The following ACTG1 variants were observed in gnomAD, a reference collection of about 807,000 sequenced individuals.
ACTG1 encodes actin, cytoplasmic 2.
In ACTG1, 14 loss-of-function variants were observed where a neutral mutation model predicts 34.3. That is an observed-to-expected ratio of 0.41 (90% CI 0.27 to 0.64). The LOEUF (loss-of-function observed/expected upper bound fraction) is 0.64, where lower values mean the gene tolerates loss of function less well. Ranked by LOEUF, ACTG1 falls within the 30% of genes least tolerant of loss-of-function variation. The pLI is 0.33. For missense variants in ACTG1, 233 were observed against 529.5 expected (o/e 0.44, Z 5.50); for synonymous variants, 422 against 213.9 (o/e 1.97, Z -8.49).
rs201570725 is a variant in ACTG1 at position 81,512,304 on chromosome 17, G to C, written c.51C>G (p.Cys17Trp). 1 of 1,613,952 alleles carries C rather than the reference G, an allele frequency of 6.2e-7. No homozygotes were observed. Among genetic ancestry groups the C allele is most frequent in the Non-Finnish European group, 8.5e-7 (1 of 1,179,964 alleles). The change falls in exon 2 of 6, where the codon TGC (cysteine) becomes TGG (tryptophan). Residue 17 changes from cysteine (C) to tryptophan (W), a missense_variant. Transcript: ENST00000573283. The stretch of plus-strand genomic sequence containing the variant: ...CGTCGTCCCCAGCAAAACCAGCTTT[G>C]CACATGCCGGAGCCATTGTCAATGA... Reference protein sequence around the residue: ...ALVIDNGSGMCKAGFAGDDAP... With the variant: ...ALVIDNGSGMWKAGFAGDDAP...
At chr17:81,511,842 A>G (rs551034127) in intron 3 of ACTG1, 61 bp downstream of exon 3, 1 of 1,610,032 alleles carries the variant, frequency 6.2e-7, no homozygotes, top group Non-Finnish European at 8.5e-7. Context: ...TCAGAAATCA[A>G]GCCGGGCAGA....
chr17:81,511,823 A>T (rs781939525), intron 3 of ACTG1, 80 bp downstream of exon 3: 1 of 1,605,934 alleles, frequency 6.2e-7, no homozygotes, highest in South Asian at 1.1e-5. Flanking sequence ...CGAAAGAAAC[A>T]CTTAAATGTC....
rs782078011 is a variant in ACTG1 at position 81,510,658 on chromosome 17, T to C, written c.*32A>G. On this transcript the variant is annotated 3_prime_UTR_variant, in exon 6 of 6. Coordinates refer to ENST00000573283, the MANE Select transcript of ACTG1 (RefSeq NM_001614.5). ...CAAATTTCTATTCTCAATTAACCCA[T>C]GCAGCAAATGCTACGCATCTGCTGA... 1.7e-4 allele frequency: 277 copies of C among 1,612,938 alleles called. 1 individual carries two copies. The Admixed American group carries it at 3.2e-3, about 19-fold the overall frequency.
chr17:81,512,660 G>A (rs972794655), intron 1 of ACTG1, 74 bp downstream of exon 1: 60 of 431,422 alleles, frequency 1.4e-4, no homozygotes, highest in African/African-American at 7.6e-4. Flanking sequence ...CTCGGCAGCT[G>A]GAAGCGGGGC....
rs61997063 is a variant in ACTG1, at chr17:81,511,444, G to A, written c.546C>T (p.Gly182=). 2.2e-4 allele frequency: 360 copies of A among 1,613,896 alleles called. 4 individuals are homozygous for A. In the Middle Eastern group the frequency reaches 0.015, roughly 66 times the overall value. ...PHAILRLDLA[G]RDLTDYLMKI... ...TCATGAGGTAGTCGGTCAGGTCCCG[G>A]CCAGCCAGGTCCAGACGCAGGATGG... Residue 182 remains glycine (G), a synonymous_variant, in exon 4 of 6, where the codon GGC becomes GGT. Transcript: ENST00000573283.
chr17:81,510,340 C>G lies in ACTG1; in HGVS notation c.*350G>C, dbSNP rs576795319. The G allele has an allele frequency of 4.5e-6, 2 of 443,958 alleles. No homozygotes were observed. Among genetic ancestry groups the G allele is most frequent in the South Asian group, 3.5e-5 (2 of 56,340 alleles). 27.5% of individuals were successfully genotyped at this position (443,958 alleles called of 1,614,324 possible). A position where few individuals can be genotyped will look rare whatever the true frequency, so the allele number is the denominator to read the frequency against. On this transcript the variant is annotated 3_prime_UTR_variant, in exon 6 of 6. Transcript: ENST00000573283. ...TGACACGTTAATACCCTGCACAGAT[C>G]AGAGGCTGCTGGCCACACAGACTCA...
intron 1 of ACTG1, 168 bp from the exon 2 acceptor site, chr17:81,512,528 G>C (rs1032108297): frequency 1.8e-6 from 2 of 1,123,888 alleles, no homozygotes; most frequent in Admixed American, 4.0e-5. Flanking sequence ...TTTACGTAAC[G>C]TCCACGGCTC....
At chr17:81,511,770 C>T (rs782691705) in intron 3 of ACTG1, 133 bp downstream of exon 3, 1 of 1,548,930 alleles carries the variant, frequency 6.5e-7, no homozygotes, top group Non-Finnish European at 8.8e-7. Flanking sequence ...AACCTGGAGG[C>T]TTCAGGGAGG....
In ACTG1 at chr17:81,512,779, G is replaced by C. The variant is rs781814319; in HGVS notation, c.-52C>G. 6.2e-5 allele frequency: 26 copies of C among 417,146 alleles called. 1 individual carries two copies. The highest frequency in any genetic ancestry group is 2.2e-4 in the South Asian group (13 of 59,898). The allele number at this position is 417,146 out of a possible 1,614,324, so 25.8% of individuals were successfully genotyped here. A position where few individuals can be genotyped will look rare whatever the true frequency, so the allele number is the denominator to read the frequency against. On this transcript the variant is annotated 5_prime_UTR_variant, in exon 1 of 6. Coordinates refer to ENST00000573283, the MANE Select transcript of ACTG1 (RefSeq NM_001614.5). Reference sequence around the variant, plus strand: ...GGAGCGGCGGAAGAACAGAGTGCGAGAGCTGGCAGCGGCGACTGAGACCGA... The same window carrying C: ...GGAGCGGCGGAAGAACAGAGTGCGACAGCTGGCAGCGGCGACTGAGACCGA...
Position 81,510,060 on chromosome 17 carries a change from G to T in ACTG1, c.*630C>A, listed in dbSNP as rs189747787. 685 of 452,828 alleles carry T rather than the reference G, an allele frequency of 1.5e-3. No homozygotes were observed. Among genetic ancestry groups the T allele is most frequent in the Non-Finnish European group, 2.4e-3 (553 of 226,774 alleles). The allele number at this position is 452,828 out of a possible 1,614,324, so 28.1% of individuals were successfully genotyped here. A position where few individuals can be genotyped will look rare whatever the true frequency, so the allele number is the denominator to read the frequency against. On this transcript the variant is annotated 3_prime_UTR_variant, in exon 6 of 6. Transcript: ENST00000573283. ...ACATAACAGTAGAAAACCAAAATTTGTTGTCATCTCTTCAAAGAATCGAGA... is the reference window on the plus strand; with the variant it reads ...ACATAACAGTAGAAAACCAAAATTTTTTGTCATCTCTTCAAAGAATCGAGA...
In ACTG1 at chr17:81,511,796, AAC is replaced by A. The variant is rs782095250; in HGVS notation, c.363+105_363+106del. ...TTCAGGGAGGAAATGCCGGGAGAGG[AAC>A]AGAGCCTGGAACAGCGAAAGAAACA... On this transcript the variant is annotated intron_variant, in intron 3 of 5. Coordinates refer to ENST00000573283, the MANE Select transcript of ACTG1 (RefSeq NM_001614.5). The A allele has an allele frequency of 8.1e-5, 129 of 1,586,390 alleles. No homozygotes were observed. The East Asian group carries it at 2.8e-3, about 34-fold the overall frequency.
rs202094234 is a variant in ACTG1, at chr17:81,511,951, C to G, written c.315G>C (p.Leu105=). The change falls in exon 3 of 6, where the codon CTG becomes CTC. Residue 105 remains leucine, a synonymous_variant. Coordinates refer to ENST00000573283, the MANE Select transcript of ACTG1 (RefSeq NM_001614.5). ...CCTTGGGGTTCAGGGGGGCCTCGGT[C>G]AGCAGCACTGGGTGCTCCTCCGGGG... ...RVAPEEHPVL[L]TEAPLNPKAN... 2.5e-6 allele frequency: 4 copies of G among 1,614,008 alleles called. No individual in the cohort carries two copies. The highest frequency in any genetic ancestry group is 2.5e-6 in the Non-Finnish European group (3 of 1,180,054).
At position 81,510,265 on chromosome 17, in the gene ACTG1, A is replaced by C; in HGVS notation, c.*425T>G. On this transcript the variant is annotated 3_prime_UTR_variant, in exon 6 of 6. Transcript: ENST00000573283. ...CCAACCCTGACAGACCCGCAAGACA[A>C]AACAACTGGTTCTTGCCAGCCTCTA... The C allele has an allele frequency of 1.9e-6, 1 of 527,622 alleles. No homozygotes were observed. The highest frequency in any genetic ancestry group is 1.6e-5 in the South Asian group (1 of 63,412). 32.7% of individuals were successfully genotyped at this position (527,622 alleles called of 1,614,324 possible).
rs2031662256 is a variant in ACTG1 at position 81,510,161 on chromosome 17, C to G, written c.*529G>C. The G allele has an allele frequency of 2.0e-6, 1 of 508,688 alleles. No individual in the cohort carries two copies. Among genetic ancestry groups the G allele is most frequent in the Admixed American group, 2.3e-5 (1 of 42,562 alleles). 31.5% of individuals were successfully genotyped at this position (508,688 alleles called of 1,614,324 possible). ...GCGTAAATGCAAACCGCTTCCAACT[C>G]AAAGCAAGTAACAGCCCACGGTGTT... On this transcript the variant is annotated 3_prime_UTR_variant, in exon 6 of 6. Transcript: ENST00000573283.
In ACTG1 at chr17:81,512,397, G is replaced by A. The variant is rs377210573; in HGVS notation, c.-6-37C>T. 8.8e-5 allele frequency: 142 copies of A among 1,613,578 alleles called. No individual in the cohort carries two copies. In the African/African-American group the frequency reaches 1.2e-3, roughly 14 times the overall value. ...AGGATGGACTCAGGCGGGCGCGTCT[G>A]TAACACGGTCCCCTCCCCACAGCCA... On this transcript the variant is annotated intron_variant, in intron 1 of 5. Transcript: ENST00000573283.
rs1335973310 is a variant in ACTG1 at position 81,510,407 on chromosome 17, A to G, written c.*283T>C. 1.9e-6 allele frequency: 1 copy of G among 535,740 alleles called. No homozygotes were observed. Among genetic ancestry groups the G allele is most frequent in the Non-Finnish European group, 3.5e-6 (1 of 289,280 alleles). 33.2% of individuals were successfully genotyped at this position (535,740 alleles called of 1,614,324 possible). On this transcript the variant is annotated 3_prime_UTR_variant, in exon 6 of 6. Transcript: ENST00000573283. Reference sequence around the variant, plus strand: ...TCTTCCACAAGCACGTTCTTACCTTAGCCACGAAGTGACCAAGCCACACGT... The same window carrying G: ...TCTTCCACAAGCACGTTCTTACCTTGGCCACGAAGTGACCAAGCCACACGT...
intron 3 of ACTG1, 95 bp from the exon 4 acceptor site, chr17:81,511,721 T>C: frequency 2.0e-6 from 3 of 1,513,158 alleles, no homozygotes; most frequent in Non-Finnish European, 1.8e-6. Context: ...GTGTGATGTG[T>C]GGAGAAAAGA....
chr17:81,510,379 T>G lies in ACTG1; in HGVS notation c.*311A>C, dbSNP rs1555666127. The G allele has an allele frequency of 2.1e-6, 1 of 481,822 alleles. No individual in the cohort carries two copies. The highest frequency in any genetic ancestry group is 2.0e-5 in the African/African-American group (1 of 51,100). 29.8% of individuals were successfully genotyped at this position (481,822 alleles called of 1,614,324 possible). On this transcript the variant is annotated 3_prime_UTR_variant, in exon 6 of 6. Transcript: ENST00000573283. ...CACACAGACTCACCAAGCCACAGAC[T>G]TGTCTTCCACAAGCACGTTCTTACC...
chr17:81,511,684 TCA>T, intron 3 of ACTG1, 58 bp from the exon 4 acceptor site: 2 of 1,566,522 alleles, frequency 1.3e-6, no homozygotes, highest in East Asian at 2.2e-5. Context: ...CACCCCATGC[TCA>T]CACGCCACAA....
Sources: allele counts gnomAD v4.1 joint callset, GRCh38; gene constraint gnomAD v4.1.1; transcripts MANE v1.5; gene names NCBI Gene and HGNC (gene_info 2026-07-23, HGNC 2026-07-21).